Variants in RCBTB1 observed in about 807,000 individuals in gnomAD.
RCBTB1 encodes the protein RCC1 and BTB domain containing protein 1.
RCBTB1 carries 46 observed loss-of-function variants against 62.4 expected under a neutral mutation model. The ratio of observed to expected loss-of-function variants is 0.74; its 90% CI spans 0.58 to 0.94. The LOEUF (loss-of-function observed/expected upper bound fraction) is 0.94, where lower values mean the gene tolerates loss of function less well. Among genes scored for constraint, RCBTB1 ranks in the 40% least tolerant of loss-of-function variants. The probability of loss-of-function intolerance (pLI) is 0.00; values close to 1 mark genes in which losing one functional copy is unlikely to be tolerated. For missense variants in RCBTB1, 565 were observed against 654.9 expected (o/e 0.86, Z 1.50); for synonymous variants, 222 against 245.8 (o/e 0.90, Z 0.91).
chr13:49,541,087 G>A (rs1038041726), intron 11 of RCBTB1, 81 bp from the exon 12 acceptor site: 1 of 1,243,924 alleles, frequency 8.0e-7, no homozygotes, highest in African/African-American at 1.5e-5. Flanking sequence ...GTGAACAGAG[G>A]TGTACAGGTA....
intron 6 of RCBTB1, among the ~76,000 whole-genome samples, chr13:49,553,053 G>C (rs748585258): frequency 6.6e-6 from 1 of 152,024 alleles, no homozygotes; most frequent in Non-Finnish European, 1.5e-5. Flanking sequence ...GTGGTGGCGC[G>C]TGCCTGTAAC....
intron 1 of RCBTB1, among the ~76,000 whole-genome samples, chr13:49,584,136 C>T (rs551736135): frequency 1.6e-4 from 25 of 152,312 alleles, no homozygotes; most frequent in African/African-American, 4.3e-4. Flanking sequence ...CATACGGGCA[C>T]GCTTTAAAAT....
At chr13:49,539,836 C>A (rs1960216453) in intron 12 of RCBTB1, among the ~76,000 whole-genome samples, 1 of 152,104 alleles carries the variant, frequency 6.6e-6, no homozygotes, top group African/African-American at 2.4e-5. Flanking sequence ...CAGAATATAG[C>A]CTCAAACAAA....
chr13:49,551,533 T>A, intron 7 of RCBTB1, 65 bp from the exon 8 acceptor site: 1 of 1,573,108 alleles, frequency 6.4e-7, no homozygotes, highest in Non-Finnish European at 8.7e-7. Context: ...AACATCTACT[T>A]AAAGGCTATA....
At chr13:49,554,609 T>C (rs555097363) in intron 6 of RCBTB1, among the ~76,000 whole-genome samples, 26 of 152,296 alleles carry the variant, frequency 1.7e-4, no homozygotes, top group Admixed American at 1.4e-3. Context: ...GGAGTATTAC[T>C]GCCTGAGCGC....
intron 4 of RCBTB1, among the ~76,000 whole-genome samples, chr13:49,564,752 A>G (rs1483134048): frequency 6.7e-6 from 1 of 150,334 alleles, no homozygotes; most frequent in South Asian, 2.1e-4. Context: ...TTAGCCGGGC[A>G]TGGTGGCGGG....
intron 10 of RCBTB1, among the ~76,000 whole-genome samples, chr13:49,543,063 G>A (rs575215219): frequency 1.3e-5 from 2 of 152,290 alleles, no homozygotes; most frequent in East Asian, 1.9e-4. Context: ...AGGAGTTTGA[G>A]ACCGGCCTGG....
chr13:49,579,611 G>A (rs12585829), intron 2 of RCBTB1, among the ~76,000 whole-genome samples: 12,025 of 139,400 alleles, frequency 0.086, 757 homozygotes, highest in East Asian at 0.34. Flanking sequence ...GTGACAGATC[G>A]AGACTTGTCT....
At chr13:49,566,803 G>A (rs752238648) in intron 3 of RCBTB1, 35 bp from the exon 4 acceptor site, 40 of 1,572,500 alleles carry the variant, frequency 2.5e-5, no homozygotes, top group South Asian at 5.9e-5. Flanking sequence ...TGAGTCTTTT[G>A]ACCGAAAGCT....
In RCBTB1 at chr13:49,533,982, C is replaced by A. The variant is rs1566206268; in HGVS notation, c.*140G>T. 1.2e-6 allele frequency: 1 copy of A among 814,770 alleles called. No homozygotes were observed. Among genetic ancestry groups the A allele is most frequent in the Non-Finnish European group, 1.9e-6 (1 of 521,868 alleles). 50.5% of individuals were successfully genotyped at this position (814,770 alleles called of 1,614,324 possible). On this transcript the variant is annotated 3_prime_UTR_variant, in exon 13 of 13. Coordinates refer to ENST00000378302, the MANE Select transcript of RCBTB1 (RefSeq NM_018191.4). ...CGTACACCCTTGTTATGTTCCTACA[C>A]AAACAACTGTGTCCCAGATGTGGAA... is the stretch of plus-strand genomic sequence containing the variant.
rs1429272090 is a variant in RCBTB1, at chr13:49,549,477, C to T, written c.1026G>A (p.Ser342=). 17 of 1,610,936 alleles carry T rather than the reference C, an allele frequency of 1.1e-5. No individual in the cohort carries two copies. The highest frequency in any genetic ancestry group is 4.5e-5 in the East Asian group (2 of 44,732). The part of the protein sequence containing the change: ...VFACFATPAV[S]WRLLSVEHED... The stretch of plus-strand genomic sequence containing the variant: ...TCTTACCCACAGACAGGAGGCGCCA[C>T]GAGACGGCGGGAGTGGCAAAGCAGG... The change falls in exon 9 of 13, where the codon TCG becomes TCA. Residue 342 remains serine (S), a synonymous_variant. Transcript: ENST00000378302.
intron 8 of RCBTB1, 67 bp downstream of exon 8, chr13:49,551,259 C>T: frequency 6.4e-7 from 1 of 1,566,258 alleles, no homozygotes; most frequent in Non-Finnish European, 8.7e-7. Context: ...AACACCACAG[C>T]TCTGCCACAC....
chr13:49,532,125 A>G lies in RCBTB1; in HGVS notation c.*1997T>C, dbSNP rs550748718. On this transcript the variant is annotated 3_prime_UTR_variant, in exon 13 of 13. Coordinates refer to ENST00000378302, the MANE Select transcript of RCBTB1 (RefSeq NM_018191.4). The stretch of plus-strand genomic sequence containing the variant: ...ACATTAGATGAAAAAATCAATTCAA[A>G]TAAGAGTTGTCATATCCTGCTATGA... 3 of 152,784 alleles carry G rather than the reference A, an allele frequency of 2.0e-5. No homozygotes were observed. In the East Asian group the frequency reaches 5.8e-4, roughly 29 times the overall value. The allele number at this position is 152,784 out of a possible 1,614,324, so 9.5% of individuals were successfully genotyped here.
chr13:49,564,556 G>C (rs1316317566), intron 4 of RCBTB1, among the ~76,000 whole-genome samples: 2 of 122,608 alleles, frequency 1.6e-5, no homozygotes, highest in African/African-American at 6.5e-5. Flanking sequence ...CTGCACTCCA[G>C]CCTGGAGACA....
chr13:49,579,111 C>A (rs1021216617), intron 2 of RCBTB1, among the ~76,000 whole-genome samples: 3 of 152,102 alleles, frequency 2.0e-5, no homozygotes, highest in Non-Finnish European at 4.4e-5. Context: ...CATTGAGATA[C>A]CAAATGTATT....
intron 4 of RCBTB1, 48 bp downstream of exon 4, chr13:49,566,570 C>T (rs1256335721): frequency 1.3e-6 from 2 of 1,575,296 alleles, no homozygotes; most frequent in Non-Finnish European, 8.6e-7. Context: ...TTAGAATTAA[C>T]CGGTCAATTT....
intron 8 of RCBTB1, chr13:49,549,889 C>G (rs758477566): frequency 2.0e-6 from 2 of 985,228 alleles, no homozygotes; most frequent in African/African-American, 1.7e-5. Flanking sequence ...TCACACAGAC[C>G]GCCGAGGAAA....
chr13:49,559,207 C>T (rs1332216649), intron 5 of RCBTB1, among the ~76,000 whole-genome samples: 1 of 152,076 alleles, frequency 6.6e-6, no homozygotes, highest in African/African-American at 2.4e-5. Flanking sequence ...ATTATTCAGC[C>T]CTGAAAAGGA....
intron 11 of RCBTB1, 25 bp downstream of exon 11, chr13:49,541,651 G>A (rs779488974): frequency 1.2e-5 from 19 of 1,586,894 alleles, no homozygotes; most frequent in Admixed American, 3.7e-5. Flanking sequence ...CATGCGGCTC[G>A]TCCATCCCAA....
Sources: gnomAD v4.1 joint callset for allele counts (sites outside exome capture counted in the v4.1 genomes callset) on GRCh38, gnomAD v4.1.1 for gene constraint, MANE v1.5 for transcripts, NCBI Gene and HGNC (gene_info 2026-07-23, HGNC 2026-07-21) for gene names.